Variants in NRXN3 observed in about 807,000 individuals in gnomAD.
The protein encoded by NRXN3 is neurexin 3.
NRXN3 carries 32 observed loss-of-function variants against 137.6 expected under a neutral mutation model. The observed-to-expected ratio is 0.23, with a 90% CI of 0.18 to 0.31. The LOEUF is 0.31. Among genes scored for constraint, NRXN3 ranks in the 10% least tolerant of loss-of-function variants. The pLI, the probability that NRXN3 is intolerant of heterozygous loss-of-function variation, is 1.00. For synonymous variants in NRXN3, 798 were observed against 784.5 expected (o/e 1.02, Z -0.29); for missense variants, 1,574 against 2,062.5 (o/e 0.76, Z 4.59).
chr14:78,208,683 G>C (rs2062444290), intron 1 of NRXN3, among the ~76,000 whole-genome samples: 1 of 152,144 alleles, frequency 6.6e-6, no homozygotes, highest in African/African-American at 2.4e-5. Context: ...GTGACTCTGG[G>C]CAAGTTACTT....
rs142667374 is a variant in NRXN3 at position 78,250,946 on chromosome 14, CAGAG to C, written c.709+7167_709+7170del. Among the ~76,000 whole-genome samples, 87 of 147,308 alleles carry C rather than the reference CAGAG, an allele frequency of 5.9e-4. 1 individual carries two copies. The highest frequency in any genetic ancestry group is 3.6e-3 in the Middle Eastern group (1 of 280). On this transcript the variant is annotated intron_variant, in intron 2 of 20. Transcript: ENST00000335750. The stretch of plus-strand genomic sequence containing the variant: ...TCTCAGGGGCTTTGTTCCTTCTAGC[CAGAG>C]AGAGAGAGAGAGAGAGAGAGAGGGA...
chr14:79,316,455 C>T (rs1349574092), intron 15 of NRXN3, among the ~76,000 whole-genome samples: 1 of 152,134 alleles, frequency 6.6e-6, no homozygotes, highest in South Asian at 2.1e-4. Flanking sequence ...TGACTCAGGT[C>T]CCCTGCTGAG....
chr14:79,502,644 C>A (rs2096837129), intron 16 of NRXN3, among the ~76,000 whole-genome samples: 1 of 151,646 alleles, frequency 6.6e-6, no homozygotes, highest in South Asian at 2.1e-4. Context: ...CTGTTTTGGT[C>A]AAGATTCAAG....
intron 4 of NRXN3, among the ~76,000 whole-genome samples, chr14:78,366,777 A>G (rs910891585): frequency 2.0e-5 from 3 of 152,224 alleles, no homozygotes; most frequent in African/African-American, 7.2e-5. Context: ...CCATGATTCA[A>G]TTACCTCCCA....
chr14:79,631,203 A>G (rs2098341156), intron 16 of NRXN3, among the ~76,000 whole-genome samples: 1 of 152,266 alleles, frequency 6.6e-6, no homozygotes, highest in Non-Finnish European at 1.5e-5. Context: ...GACAGATCAT[A>G]CTTTAATTGG....
At chr14:79,695,016 G>C (rs2098730297) in intron 18 of NRXN3, among the ~76,000 whole-genome samples, 1 of 151,978 alleles carries the variant, frequency 6.6e-6, no homozygotes, top group African/African-American at 2.4e-5. Flanking sequence ...GAATTGATTA[G>C]TCAGATCTCT....
intron 4 of NRXN3, among the ~76,000 whole-genome samples, chr14:78,326,251 C>T (rs560598043): frequency 1.3e-5 from 2 of 152,232 alleles, no homozygotes; most frequent in African/African-American, 4.8e-5. Flanking sequence ...AGAATGATAT[C>T]TGTGGCCATA....
intron 15 of NRXN3, among the ~76,000 whole-genome samples, chr14:79,125,335 A>G (rs568321179): frequency 1.1e-4 from 17 of 152,234 alleles, no homozygotes; most frequent in South Asian, 2.1e-4. Flanking sequence ...CTAGAATGAA[A>G]GAAATTATGG....
chr14:78,353,653 A>G (rs2083871763), intron 4 of NRXN3, among the ~76,000 whole-genome samples: 1 of 152,204 alleles, frequency 6.6e-6, no homozygotes, highest in African/African-American at 2.4e-5. Flanking sequence ...AACATTTTAA[A>G]TGTATATCCC....
chr14:79,645,726 A>C (rs997902435), intron 16 of NRXN3, among the ~76,000 whole-genome samples: 1 of 135,300 alleles, frequency 7.4e-6, no homozygotes, highest in African/African-American at 2.5e-5. Flanking sequence ...ACTAATCAAC[A>C]ATTATGGATG....
chr14:79,519,611 A>T (rs978360780), intron 16 of NRXN3, among the ~76,000 whole-genome samples: 1 of 151,926 alleles, frequency 6.6e-6, no homozygotes, highest in Admixed American at 6.6e-5. Context: ...TTACATTTTT[A>T]TTGTTCTAGG....
chr14:78,446,975 T>C (rs546688402), intron 4 of NRXN3, among the ~76,000 whole-genome samples: 1 of 152,298 alleles, frequency 6.6e-6, no homozygotes, highest in African/African-American at 2.4e-5. Flanking sequence ...TAAAGAATGG[T>C]GTTGGGCCTG....
intron 4 of NRXN3, among the ~76,000 whole-genome samples, chr14:78,414,293 C>G (rs1189062007): frequency 1.3e-5 from 2 of 151,876 alleles, no homozygotes; most frequent in Non-Finnish European, 2.9e-5. Context: ...GTGGCCTTGT[C>G]AGGGCCTCAG....
At chr14:78,399,358 G>A (rs1473775250) in intron 4 of NRXN3, among the ~76,000 whole-genome samples, 5 of 152,282 alleles carry the variant, frequency 3.3e-5, no homozygotes, top group East Asian at 3.9e-4. Context: ...ATAGAAACAA[G>A]CATGTATACT....
chr14:79,537,176 A>G (rs180751840), intron 16 of NRXN3, among the ~76,000 whole-genome samples: 74 of 152,074 alleles, frequency 4.9e-4, no homozygotes, highest in African/African-American at 1.7e-3. Context: ...ATGGAGTCTC[A>G]TTGTGGTTTT....
At chr14:79,640,265 G>A (rs2098425859) in intron 16 of NRXN3, among the ~76,000 whole-genome samples, 1 of 135,472 alleles carries the variant, frequency 7.4e-6, no homozygotes, top group Non-Finnish European at 1.7e-5. Context: ...TGTTAGGATT[G>A]CTTGTATGTG....
At chr14:78,245,357 C>T (rs953757209) in intron 2 of NRXN3, among the ~76,000 whole-genome samples, 3 of 152,138 alleles carry the variant, frequency 2.0e-5, no homozygotes, top group Non-Finnish European at 2.9e-5. Context: ...TAAAGCTCTC[C>T]ACATAATTCC....
intron 16 of NRXN3, among the ~76,000 whole-genome samples, chr14:79,617,921 A>AAAAAAAAAAAAAAAAC (rs912371749): frequency 4.0e-5 from 6 of 150,242 alleles, no homozygotes; most frequent in African/African-American, 1.5e-4. Context: ...TAGCAGCAAA[A>AAAAAAAAAAAAAAAAC]AAAAAAAAAA....
At chr14:78,256,523 G>A (rs2153469789) in intron 2 of NRXN3, among the ~76,000 whole-genome samples, 1 of 152,346 alleles carries the variant, frequency 6.6e-6, no homozygotes, top group African/African-American at 2.4e-5. Context: ...TTGGTAGCCA[G>A]GCCCACCCTC....
Sources: gnomAD v4.1 joint callset for allele counts (sites outside exome capture counted in the v4.1 genomes callset) on GRCh38, gnomAD v4.1.1 for gene constraint, MANE v1.5 for transcripts, NCBI Gene and HGNC (gene_info 2026-07-23, HGNC 2026-07-21) for gene names.